XYLT1: variants seen among roughly 807,000 people sequenced by gnomAD.
XYLT1 encodes beta-D-xylosyltransferase 1.
A neutral mutation model predicts 91.3 loss-of-function variants in XYLT1; 36 were observed. The observed-to-expected ratio is 0.39, with a 90% CI of 0.30 to 0.52. The LOEUF is 0.52. XYLT1 is among the 20% of genes least tolerant of loss of function. The probability of loss-of-function intolerance (pLI) is 0.68; values close to 1 mark genes in which losing one functional copy is unlikely to be tolerated. For missense variants in XYLT1, 1,242 were observed against 1,284.5 expected (o/e 0.97, Z 0.51); for synonymous variants, 588 against 532.0 (o/e 1.11, Z -1.45).
chr16:17,468,057 G>T (rs764196080), intron 1 of XYLT1, among the ~76,000 whole-genome samples: 1 of 152,166 alleles, frequency 6.6e-6, no homozygotes, highest in African/African-American at 2.4e-5. Flanking sequence ...TATTGCTTGC[G>T]AAAAGGTCTG....
At chr16:17,129,339 G>A (rs928809541) in intron 9 of XYLT1, among the ~76,000 whole-genome samples, 1 of 152,112 alleles carries the variant, frequency 6.6e-6, no homozygotes, top group Non-Finnish European at 1.5e-5. Context: ...TTGGCTCACT[G>A]CAACCTCCGC....
rs960711999 is a variant in XYLT1 at position 17,125,427 on chromosome 16, C to G, written c.2223+2239G>C. Among the ~76,000 whole-genome samples the G allele has an allele frequency of 2.0e-5, 3 of 152,242 alleles. No homozygotes were observed. The South Asian group carries it at 6.2e-4, about 32-fold the overall frequency. On this transcript the variant is annotated intron_variant, in intron 10 of 11. Coordinates refer to ENST00000261381, the MANE Select transcript of XYLT1 (RefSeq NM_022166.4). Reference sequence around the variant, plus strand: ...CTTTCCCGGGCCTGCAAGACTACTCCCTGAGGCCTCTTTCCTACCAGTTTC... The same window carrying G: ...CTTTCCCGGGCCTGCAAGACTACTCGCTGAGGCCTCTTTCCTACCAGTTTC...
chr16:17,251,934 A>G (rs1177905960), intron 3 of XYLT1, among the ~76,000 whole-genome samples: 1 of 149,206 alleles, frequency 6.7e-6, no homozygotes, highest in African/African-American at 2.5e-5. Context: ...TTGTGGGGAC[A>G]GGGAGGGGGC....
At chr16:17,198,173 C>G (rs776815655) in intron 5 of XYLT1, 39 bp downstream of exon 5, 1 of 1,608,594 alleles carries the variant, frequency 6.2e-7, no homozygotes, top group South Asian at 1.1e-5. Context: ...CAGAGCAGGA[C>G]GTCAGACAAG....
chr16:17,340,597 A>G (rs1212043390), intron 2 of XYLT1, among the ~76,000 whole-genome samples: 1 of 151,940 alleles, frequency 6.6e-6, no homozygotes, highest in East Asian at 1.9e-4. Context: ...CCAGCTCCCC[A>G]CTCACTCTCT....
rs186917964 is a variant in XYLT1, at chr16:17,311,183, A to G, written c.402+46829T>C. 5.9e-5 allele frequency among the ~76,000 whole-genome samples: 9 copies of G among 152,298 alleles called. No individual in the cohort carries two copies. In the East Asian group the frequency reaches 7.7e-4, roughly 13 times the overall value. On this transcript the variant is annotated intron_variant, in intron 2 of 11. Coordinates refer to ENST00000261381, the MANE Select transcript of XYLT1 (RefSeq NM_022166.4). Reference sequence around the variant, plus strand: ...TTGTCACAGTAGCAGAAGGGGTTACATCAGAGTAGAAGATGTGGACCTTGG... The same window carrying G: ...TTGTCACAGTAGCAGAAGGGGTTACGTCAGAGTAGAAGATGTGGACCTTGG...
chr16:17,250,812 C>T (rs2033526936), intron 3 of XYLT1: 2 of 152,444 alleles, frequency 1.3e-5, no homozygotes, highest in Middle Eastern at 6.8e-3. Context: ...CAACCCCACC[C>T]ACTTAGCCAA....
chr16:17,286,305 G>C (rs905509538), intron 2 of XYLT1, among the ~76,000 whole-genome samples: 2 of 152,134 alleles, frequency 1.3e-5, no homozygotes, highest in African/African-American at 4.8e-5. Flanking sequence ...TGGGAGGCTG[G>C]GGAGGGAGGT....
intron 3 of XYLT1, among the ~76,000 whole-genome samples, chr16:17,211,791 C>T (rs949988241): frequency 1.3e-5 from 2 of 152,186 alleles, no homozygotes; most frequent in Admixed American, 6.5e-5. Flanking sequence ...GCCTCATGTT[C>T]TCAGAATGGC....
chr16:17,161,777 T>A (rs1263687565), intron 5 of XYLT1, among the ~76,000 whole-genome samples: 3 of 152,094 alleles, frequency 2.0e-5, no homozygotes, highest in African/African-American at 7.2e-5. Flanking sequence ...ATCTCTTGTA[T>A]CTATCTCATC....
In XYLT1 at chr16:17,105,605, G is replaced by GAAACT. The variant is rs1414496279; in HGVS notation, c.*3085_*3089dup. 6.6e-6 allele frequency: 1 copy of GAAACT among 152,116 alleles called. No individual in the cohort carries two copies. Among genetic ancestry groups the GAAACT allele is most frequent in the Non-Finnish European group, 1.5e-5 (1 of 68,052 alleles). 9.4% of individuals were successfully genotyped at this position (152,116 alleles called of 1,614,324 possible). ...TGCCTGAATGTCACTCGGTGGGTGG[G>GAAACT]AAACTATAAGGAGTGCCGCAGCCTA... On this transcript the variant is annotated 3_prime_UTR_variant, in exon 12 of 12. Transcript: ENST00000261381.
chr16:17,130,870 C>G (rs2030443861), intron 9 of XYLT1, among the ~76,000 whole-genome samples: 1 of 61,510 alleles, frequency 1.6e-5, no homozygotes. Flanking sequence ...CAAAGCCCTA[C>G]CGCTTTCTCT....
chr16:17,205,595 T>C (rs1370189700), intron 3 of XYLT1, among the ~76,000 whole-genome samples: 2 of 152,208 alleles, frequency 1.3e-5, no homozygotes, highest in Admixed American at 6.5e-5. Context: ...CAATAAATTA[T>C]ACTGTCATAG....
chr16:17,376,285 G>A (rs1567399670), intron 1 of XYLT1, among the ~76,000 whole-genome samples: 1 of 152,180 alleles, frequency 6.6e-6, no homozygotes, highest in South Asian at 2.1e-4. Context: ...ACAATGCACA[G>A]GTCAGCTGAT....
At chr16:17,224,922 T>C (rs772497924) in intron 3 of XYLT1, among the ~76,000 whole-genome samples, 9 of 152,214 alleles carry the variant, frequency 5.9e-5, no homozygotes, top group Non-Finnish European at 1.3e-4. Flanking sequence ...TCTGCCACTG[T>C]AGAGAGAAGG....
At chr16:17,208,101 C>T (rs1217067711) in intron 3 of XYLT1, among the ~76,000 whole-genome samples, 1 of 152,026 alleles carries the variant, frequency 6.6e-6, no homozygotes, top group African/African-American at 2.4e-5. Flanking sequence ...ATCCTCACAC[C>T]TCAGCCTCCC....
chr16:17,271,599 T>G (rs191505339), intron 2 of XYLT1, among the ~76,000 whole-genome samples: 210 of 152,284 alleles, frequency 1.4e-3, no homozygotes, highest in African/African-American at 4.3e-3. Flanking sequence ...TAACTCTTTG[T>G]TTTAGGGGCT....
chr16:17,270,827 C>A (rs957673537), intron 2 of XYLT1, among the ~76,000 whole-genome samples: 1 of 152,286 alleles, frequency 6.6e-6, no homozygotes, highest in Admixed American at 6.5e-5. Flanking sequence ...TGTGCTAGGA[C>A]GGCAGAGTTG....
At chr16:17,246,184 C>T (rs1003459566) in intron 3 of XYLT1, among the ~76,000 whole-genome samples, 4 of 152,210 alleles carry the variant, frequency 2.6e-5, no homozygotes, top group South Asian at 2.1e-4. Flanking sequence ...TTCTGTGTCT[C>T]AACTTCTTTG....
Sources: allele counts gnomAD v4.1 joint callset (sites outside exome capture counted in the v4.1 genomes callset), GRCh38; gene constraint gnomAD v4.1.1; transcripts MANE v1.5; gene names NCBI Gene and HGNC (gene_info 2026-07-23, HGNC 2026-07-21).